The following LGSN variants were observed in gnomAD, a reference collection of about 807,000 sequenced individuals.
The protein encoded by LGSN is lengsin, lens protein with glutamine synthetase domain.
A neutral mutation model predicts 19.5 loss-of-function variants in LGSN; 21 were observed. The observed-to-expected ratio is 1.07, with a 90% CI of 0.76 to 1.55. The LOEUF is 1.55. Ranked by LOEUF, LGSN falls within the 40% of genes most tolerant of loss-of-function variation. The pLI, the probability that LGSN is intolerant of heterozygous loss-of-function variation, is 0.00. For synonymous variants in LGSN, 257 were observed against 215.6 expected (o/e 1.19, Z -1.68); for missense variants, 673 against 608.5 (o/e 1.11, Z -1.12).
chr6:63,413,454 T>G, the LGSN span, among the ~76,000 whole-genome samples: 1 of 152,208 alleles, frequency 6.6e-6, no homozygotes. Context: ...TAATTTTTAC[T>G]CCTCTCTTAC....
the LGSN span, among the ~76,000 whole-genome samples, chr6:63,543,238 G>A: frequency 6.6e-6 from 1 of 152,106 alleles, no homozygotes; most frequent in African/African-American, 2.4e-5. Context: ...CTTATCCCAG[G>A]AAACCCCTCA....
chr6:63,312,550 GT>G (rs1270095636), intron 1 of LGSN, among the ~76,000 whole-genome samples: 2 of 151,918 alleles, frequency 1.3e-5, no homozygotes, highest in South Asian at 2.1e-4. Flanking sequence ...CCATGTATAA[GT>G]TTTTTTTCTC....
the LGSN span, among the ~76,000 whole-genome samples, chr6:63,393,610 C>T: frequency 1.3e-5 from 2 of 152,192 alleles, no homozygotes; most frequent in South Asian, 2.1e-4. Context: ...CATACCTGAT[C>T]GAACCAATTT....
At chr6:63,510,858 G>A in the LGSN span, among the ~76,000 whole-genome samples, 5 of 151,756 alleles carry the variant, frequency 3.3e-5, no homozygotes, top group African/African-American at 1.2e-4. Context: ...ATTTTCAGTG[G>A]AGACAGGATT....
At chr6:63,435,418 G>T in the LGSN span, among the ~76,000 whole-genome samples, 1 of 152,052 alleles carries the variant, frequency 6.6e-6, no homozygotes, top group African/African-American at 2.4e-5. Context: ...TGTATCCTTA[G>T]CACATGTGAT....
chr6:63,298,118 A>G (rs965344523), intron 1 of LGSN, among the ~76,000 whole-genome samples: 1 of 152,146 alleles, frequency 6.6e-6, no homozygotes, highest in Non-Finnish European at 1.5e-5. Flanking sequence ...TTTTCTTTTA[A>G]CAGATGGCCT....
At chr6:63,540,342 C>G in the LGSN span, among the ~76,000 whole-genome samples, 1 of 152,036 alleles carries the variant, frequency 6.6e-6, no homozygotes, top group African/African-American at 2.4e-5. Context: ...TCTGAAAATC[C>G]AGGCACAATG....
At chr6:63,294,844 T>C (rs1767913256) in intron 2 of LGSN, 69 bp downstream of exon 2, 1 of 1,482,076 alleles carries the variant, frequency 6.7e-7, no homozygotes, top group East Asian at 2.3e-5. Flanking sequence ...AGATGTTTTA[T>C]GAAAAGAAAG....
At chr6:63,315,544 C>T (rs769823806) in intron 1 of LGSN, among the ~76,000 whole-genome samples, 19 of 151,782 alleles carry the variant, frequency 1.3e-4, no homozygotes, top group Non-Finnish European at 2.5e-4. Context: ...ATGATTACCC[C>T]ACTTAAGATA....
In LGSN at chr6:63,280,783, ACT is replaced by A. The variant is rs1340388080; in HGVS notation, c.766_767del (p.Ser256PhefsTer17). ...GACCAGGCCTGGTAGAGGAGGAAAAACTCTCGACATTGGCTCCAGTGTGATAC... is the reference window on the plus strand; with the variant it reads ...GACCAGGCCTGGTAGAGGAGGAAAAACTCGACATTGGCTCCAGTGTGATAC... The part of the protein sequence containing the change: ...GLYHTGANVE[S>X]FSSSTRPGQM... On this transcript the variant is annotated frameshift_variant, in exon 4 of 4. Coordinates refer to ENST00000370657, the MANE Select transcript of LGSN (RefSeq NM_016571.3). LOFTEE classifies it low-confidence loss of function (END_TRUNC). The A allele has an allele frequency of 6.2e-7, 1 of 1,613,872 alleles. No homozygotes were observed. Among genetic ancestry groups the A allele is most frequent in the Non-Finnish European group, 8.5e-7 (1 of 1,179,964 alleles).
the LGSN span, among the ~76,000 whole-genome samples, chr6:63,540,747 AT>A: frequency 1.3e-5 from 2 of 151,940 alleles, no homozygotes; most frequent in African/African-American, 4.8e-5. Context: ...ACACATCAGA[AT>A]GGTTATGAGG....
chr6:63,283,865 A>G (rs369655506), intron 3 of LGSN, among the ~76,000 whole-genome samples: 7 of 151,866 alleles, frequency 4.6e-5, no homozygotes, highest in African/African-American at 1.7e-4. Context: ...AGGCCCAGCT[A>G]ATTTTTGTAT....
intron 1 of LGSN, among the ~76,000 whole-genome samples, chr6:63,305,701 G>T (rs1167035595): frequency 6.6e-6 from 1 of 152,104 alleles, no homozygotes. Context: ...TTCTCAGGGA[G>T]GCCCAATTCT....
At chr6:63,411,346 G>A in the LGSN span, among the ~76,000 whole-genome samples, 17,535 of 152,140 alleles carry the variant, frequency 0.12, 2,019 homozygotes, top group African/African-American at 0.3. Flanking sequence ...AAGTAGGCAA[G>A]GGCATCAGAG....
chr6:63,547,852 T>C, the LGSN span, among the ~76,000 whole-genome samples: 1 of 152,174 alleles, frequency 6.6e-6, no homozygotes, highest in East Asian at 1.9e-4. Context: ...CCAGATTTAG[T>C]TCTCCACCTT....
the LGSN span, among the ~76,000 whole-genome samples, chr6:63,478,561 G>A: frequency 6.6e-6 from 1 of 152,140 alleles, no homozygotes; most frequent in East Asian, 1.9e-4. Flanking sequence ...GTTGTGAGAG[G>A]TAAGCTGAAA....
At position 63,278,760 on chromosome 6, in the gene LGSN, T is replaced by A. The variant is rs1767176523; in HGVS notation, c.*1261A>T. The A allele has an allele frequency of 6.6e-6, 1 of 151,874 alleles. No individual in the cohort carries two copies. The highest frequency in any genetic ancestry group is 1.5e-5 in the Non-Finnish European group (1 of 67,946). 9.4% of individuals were successfully genotyped at this position (151,874 alleles called of 1,614,324 possible). On this transcript the variant is annotated 3_prime_UTR_variant, in exon 4 of 4. Transcript: ENST00000370657. The stretch of plus-strand genomic sequence containing the variant: ...ATGTATCCAAACACACTTCTCCTGC[T>A]CAAAGGAAAAAAGAAGGGAGTAATT...
At chr6:63,329,804 G>A in the LGSN span, among the ~76,000 whole-genome samples, 14 of 152,116 alleles carry the variant, frequency 9.2e-5, no homozygotes, top group Non-Finnish European at 2.9e-5. Context: ...GGGACTTTCA[G>A]GCATAACAAG....
At chr6:63,307,271 G>C (rs1263669495) in intron 1 of LGSN, among the ~76,000 whole-genome samples, 1 of 152,110 alleles carries the variant, frequency 6.6e-6, no homozygotes, top group Non-Finnish European at 1.5e-5. Context: ...GTCAAAGAAA[G>C]ACTAATCAAC....
Sources: allele counts gnomAD v4.1 joint callset (sites outside exome capture counted in the v4.1 genomes callset), GRCh38; gene constraint gnomAD v4.1.1; transcripts MANE v1.5; gene names NCBI Gene and HGNC (gene_info 2026-07-23, HGNC 2026-07-21).